Variants in GLI2 observed in about 807,000 individuals in gnomAD.
The protein encoded by GLI2 is GLI family zinc finger 2.
In GLI2, 22 loss-of-function variants were observed where a neutral mutation model predicts 78.9. The observed-to-expected ratio is 0.28, with a 90% CI of 0.20 to 0.40. The LOEUF (loss-of-function observed/expected upper bound fraction) is 0.40, where lower values mean the gene tolerates loss of function less well. GLI2 is among the 10% of genes least tolerant of loss of function. GLI2 has a pLI of 1.00. For missense variants in GLI2, 2,097 were observed against 2,213.2 expected (o/e 0.95, Z 1.05); for synonymous variants, 974 against 963.7 (o/e 1.01, Z -0.20).
intron 5 of GLI2, among the ~76,000 whole-genome samples, chr2:120,965,476 G>T (rs112482026): frequency 3.0e-5 from 4 of 132,740 alleles, no homozygotes; most frequent in African/African-American, 1.2e-4. Context: ...CACTCCAGCC[G>T]GGATGCAGAT....
At chr2:120,820,683 G>A (rs752276854) in intron 2 of GLI2, among the ~76,000 whole-genome samples, 8 of 152,248 alleles carry the variant, frequency 5.3e-5, no homozygotes, top group Non-Finnish European at 1.0e-4. Context: ...GTGAGAGTTA[G>A]CCTTCTGCTG....
chr2:120,842,072 A>C (rs1686910894), intron 2 of GLI2, among the ~76,000 whole-genome samples: 1 of 151,484 alleles, frequency 6.6e-6, no homozygotes, highest in Admixed American at 6.6e-5. Context: ...AAAAAAAAAA[A>C]AAAAACAGAC....
intron 3 of GLI2, among the ~76,000 whole-genome samples, chr2:120,933,112 A>G (rs552941980): frequency 5.9e-5 from 9 of 152,282 alleles, no homozygotes; most frequent in Non-Finnish European, 8.8e-5. Context: ...GAGCAGGACC[A>G]GGGCTGACCA....
intron 1 of GLI2, among the ~76,000 whole-genome samples, chr2:120,758,313 G>A (rs551461955): frequency 6.2e-4 from 94 of 152,374 alleles, no homozygotes; most frequent in South Asian, 6.0e-3. Context: ...CTGCATCAGG[G>A]CAGAAAGCCC....
chr2:120,988,928 G>T lies in GLI2; in HGVS notation c.2963G>T (p.Arg988Leu), dbSNP rs2105089504. ...CCGCTGCCGCCCTGTGCCGACAGGC[G>T]AGGCCTCCGCCTGCAGAGCCACCCG... Reference protein sequence around the residue: ...PGPLPPCADRRGLRLQSHPST... With the variant: ...PGPLPPCADRLGLRLQSHPST... Residue 988 changes from arginine (R) to leucine (L), a missense_variant, in exon 14 of 14, where the codon CGA (arginine) becomes CTA (leucine). Arg to Leu is a moderately radical substitution (Grantham distance 102, BLOSUM62 -2). This residue lies in a region of GLI2 where 1,290 missense variants were observed against 1,261.7 expected (regional missense o/e 1.02). Coordinates refer to ENST00000361492, the MANE Select transcript of GLI2 (RefSeq NM_001374353.1). 6.6e-7 allele frequency: 1 copy of T among 1,525,266 alleles called. No homozygotes were observed. The highest frequency in any genetic ancestry group is 1.2e-5 in the South Asian group (1 of 84,276). The allele number at this position is 1,525,266 out of a possible 1,614,324, so 94.5% of individuals were successfully genotyped here.
At chr2:120,771,371 G>A (rs967642362) in intron 1 of GLI2, among the ~76,000 whole-genome samples, 4 of 152,226 alleles carry the variant, frequency 2.6e-5, no homozygotes, top group African/African-American at 9.6e-5. Context: ...CTGTGACCTC[G>A]GGCAAATGGC....
intron 2 of GLI2, among the ~76,000 whole-genome samples, chr2:120,883,264 T>C (rs771549504): frequency 5.3e-5 from 8 of 152,126 alleles, no homozygotes; most frequent in Non-Finnish European, 1.0e-4. Flanking sequence ...GGTGAGCAGA[T>C]CGCTTGAGCC....
In GLI2 at chr2:120,988,776, G is replaced by T. The variant is rs1185329099; in HGVS notation, c.2811G>T (p.Ala937=). 3.8e-6 allele frequency: 5 copies of T among 1,320,860 alleles called. No individual in the cohort carries two copies. Among genetic ancestry groups the T allele is most frequent in the South Asian group, 1.7e-5 (1 of 60,012 alleles). The allele number at this position is 1,320,860 out of a possible 1,614,324, so 81.8% of individuals were successfully genotyped here. ...PTYGHGHAGA[A]PAFPHEAPGG... is the part of the protein sequence containing the mutation. ...ATGGCCACGGCCACGCGGGGGCTGC[G>T]CCCGCCTTCCCCCACGAGGCTCCAG... Residue 937 remains alanine, a synonymous_variant, in exon 14 of 14, where the codon GCG becomes GCT. Coordinates refer to ENST00000361492, the MANE Select transcript of GLI2 (RefSeq NM_001374353.1).
At chr2:120,865,003 C>T (rs142503201) in intron 2 of GLI2, among the ~76,000 whole-genome samples, 79 of 152,248 alleles carry the variant, frequency 5.2e-4, no homozygotes, top group African/African-American at 1.7e-3. Flanking sequence ...TCTTCCAACT[C>T]GGTAGTGCCT....
chr2:120,905,040 A>T (rs968830753), intron 2 of GLI2, among the ~76,000 whole-genome samples: 1 of 152,238 alleles, frequency 6.6e-6, no homozygotes, highest in Non-Finnish European at 1.5e-5. Context: ...GAGCAATGAA[A>T]CTTGCCAGTT....
chr2:120,833,142 C>T (rs1686445910), intron 2 of GLI2, among the ~76,000 whole-genome samples: 1 of 152,026 alleles, frequency 6.6e-6, no homozygotes, highest in South Asian at 2.1e-4. Flanking sequence ...TCTCTCCTGT[C>T]CACCCTCCTG....
At chr2:120,803,581 C>T (rs1684800148) in intron 2 of GLI2, among the ~76,000 whole-genome samples, 2 of 152,180 alleles carry the variant, frequency 1.3e-5, no homozygotes, top group South Asian at 4.1e-4. Context: ...GTGCCCTGGG[C>T]TGGAAATCAG....
chr2:120,763,158 C>T (rs904330819), intron 1 of GLI2, among the ~76,000 whole-genome samples: 1 of 152,230 alleles, frequency 6.6e-6, no homozygotes, highest in Non-Finnish European at 1.5e-5. Context: ...CCTGCCCCCA[C>T]CACAGGCCCT....
chr2:120,753,125 C>T (rs140077409), intron 1 of GLI2, among the ~76,000 whole-genome samples: 3,304 of 127,206 alleles, frequency 0.026, 119 homozygotes, highest in Admixed American at 0.12. Flanking sequence ...GACAGAGTCT[C>T]GCTCTGTTGC....
At chr2:120,817,341 G>A (rs183748595) in intron 2 of GLI2, among the ~76,000 whole-genome samples, 55 of 152,274 alleles carry the variant, frequency 3.6e-4, no homozygotes, top group African/African-American at 1.2e-3. Flanking sequence ...GTCTGGCTGC[G>A]CTTGTGCCCT....
At chr2:120,833,575 A>G (rs7592403) in intron 2 of GLI2, among the ~76,000 whole-genome samples, 29,082 of 151,970 alleles carry the variant, frequency 0.19, 2,877 homozygotes, top group Middle Eastern at 0.28. Flanking sequence ...TCATCCCCCA[A>G]CCTTGGATGA....
intron 2 of GLI2, among the ~76,000 whole-genome samples, chr2:120,862,937 G>T (rs1000579905): frequency 6.6e-6 from 1 of 152,228 alleles, no homozygotes; most frequent in African/African-American, 2.4e-5. Context: ...CCCAGTCGGA[G>T]GGAGCTTCCA....
At chr2:120,858,116 G>A (rs1397570845) in intron 2 of GLI2, among the ~76,000 whole-genome samples, 1 of 152,214 alleles carries the variant, frequency 6.6e-6, no homozygotes. Flanking sequence ...TGAGTGCTCA[G>A]GGGGCGGGGG....
intron 2 of GLI2, among the ~76,000 whole-genome samples, chr2:120,895,102 G>C (rs1677881705): frequency 6.6e-6 from 1 of 152,254 alleles, no homozygotes; most frequent in Non-Finnish European, 1.5e-5. Flanking sequence ...CCACCAGGCT[G>C]TGGACACTGC....
Sources: allele counts gnomAD v4.1 joint callset (sites outside exome capture counted in the v4.1 genomes callset), GRCh38; gene constraint gnomAD v4.1.1; regional missense constraint gnomAD v4.1.1; transcripts MANE v1.5; gene names NCBI Gene and HGNC (gene_info 2026-07-23, HGNC 2026-07-21).